CARMIL1: variants seen among roughly 807,000 people sequenced by gnomAD.
The protein encoded by CARMIL1 is F-actin-uncapping protein LRRC16A.
In CARMIL1, 90 loss-of-function variants were observed where a neutral mutation model predicts 177.1. The ratio of observed to expected loss-of-function variants is 0.51; its 90% confidence interval spans 0.43 to 0.61. The LOEUF (loss-of-function observed/expected upper bound fraction) is 0.61, where lower values mean the gene tolerates loss of function less well. CARMIL1 is among the 20% of genes least tolerant of loss of function. CARMIL1 has a pLI of 0.00. For missense variants in CARMIL1, 1,380 were observed against 1,667.0 expected (o/e 0.83, Z 3.00); for synonymous variants, 577 against 606.2 (o/e 0.95, Z 0.71).
chr6:25,327,451 T>C (rs1439902246), intron 2 of CARMIL1, among the ~76,000 whole-genome samples: 1 of 152,234 alleles, frequency 6.6e-6, no homozygotes, highest in African/African-American at 2.4e-5. Context: ...ATCAACTTGA[T>C]TTCCATCACA....
chr6:25,287,777 T>C (rs73392388), intron 2 of CARMIL1, among the ~76,000 whole-genome samples: 7,230 of 152,330 alleles, frequency 0.047, 255 homozygotes, highest in Middle Eastern at 0.1. Context: ...AGAGCCTATC[T>C]GCTTTGCCTT....
chr6:25,567,611 C>T (rs1331311317), intron 29 of CARMIL1, among the ~76,000 whole-genome samples: 1 of 152,108 alleles, frequency 6.6e-6, no homozygotes, highest in Non-Finnish European at 1.5e-5. Flanking sequence ...ACCAAATATT[C>T]TCTGAGATTA....
rs543444360 is a variant in CARMIL1 at position 25,489,324 on chromosome 6, A to G, written c.1065+739A>G. ...TACAATTGAAAGGGAGTATTGGGAT[A>G]AACCTGAGCACTCGTCTATTCCGTG... On this transcript the variant is annotated intron_variant, in intron 13 of 36. Transcript: ENST00000329474. Among the ~76,000 whole-genome samples the G allele has an allele frequency of 4.2e-4, 64 of 152,352 alleles. 2 individuals are homozygous for G. In the South Asian group the frequency reaches 0.013, roughly 31 times the overall value.
At chr6:25,336,640 G>A (rs762171304) in intron 2 of CARMIL1, among the ~76,000 whole-genome samples, 1 of 152,132 alleles carries the variant, frequency 6.6e-6, no homozygotes, top group Non-Finnish European at 1.5e-5. Context: ...TCACAATCTA[G>A]TATTACTAGC....
At chr6:25,401,351 T>A (rs1213161062) in intron 2 of CARMIL1, among the ~76,000 whole-genome samples, 1 of 152,140 alleles carries the variant, frequency 6.6e-6, no homozygotes, top group Non-Finnish European at 1.5e-5. Flanking sequence ...TAGATACACA[T>A]ATAAAATGTG....
intron 2 of CARMIL1, among the ~76,000 whole-genome samples, chr6:25,369,351 T>C (rs1790164526): frequency 6.6e-6 from 1 of 151,358 alleles, no homozygotes; most frequent in Admixed American, 6.6e-5. Flanking sequence ...TGCAGTCAGC[T>C]TAACAGTTGA....
At chr6:25,576,958 T>A in intron 29 of CARMIL1, 14 of 984,990 alleles carry the variant, frequency 1.4e-5, no homozygotes, top group Non-Finnish European at 1.6e-5. Flanking sequence ...TTTTTTTCTT[T>A]CTTTTTGCTG....
At chr6:25,506,547 A>G (rs955335232) in intron 17 of CARMIL1, among the ~76,000 whole-genome samples, 1 of 152,138 alleles carries the variant, frequency 6.6e-6, no homozygotes, top group Non-Finnish European at 1.5e-5. Flanking sequence ...GTCTCAAACA[A>G]ACAAACAAAC....
At chr6:25,424,780 T>A (rs1050400597) in intron 3 of CARMIL1, among the ~76,000 whole-genome samples, 1 of 152,116 alleles carries the variant, frequency 6.6e-6, no homozygotes, top group East Asian at 1.9e-4. Context: ...AGCATAATAA[T>A]CTAGAAAACG....
intron 4 of CARMIL1, among the ~76,000 whole-genome samples, chr6:25,430,466 G>A (rs1796658873): frequency 6.8e-6 from 1 of 146,628 alleles, no homozygotes; most frequent in Non-Finnish European, 1.5e-5. Context: ...GTCTCGCACT[G>A]TTGCTCAGGC....
chr6:25,385,607 A>C lies in CARMIL1; in HGVS notation c.139-34507A>C, dbSNP rs1275232104. Among the ~76,000 whole-genome samples the C allele has an allele frequency of 5.9e-5, 9 of 152,320 alleles. 1 individual carries two copies. The South Asian group carries it at 1.7e-3, about 28-fold the overall frequency. Reference sequence around the variant, plus strand: ...AAATAGTAGTAGCTTTTTTGGGATAAATAGATACCAAATAAATCACAGTGT... The same window carrying C: ...AAATAGTAGTAGCTTTTTTGGGATACATAGATACCAAATAAATCACAGTGT... On this transcript the variant is annotated intron_variant, in intron 2 of 36. Coordinates refer to ENST00000329474, the MANE Select transcript of CARMIL1 (RefSeq NM_017640.6).
At chr6:25,378,941 A>G (rs923263831) in intron 2 of CARMIL1, among the ~76,000 whole-genome samples, 8 of 151,438 alleles carry the variant, frequency 5.3e-5, no homozygotes, top group Non-Finnish European at 8.8e-5. Context: ...GAGTTAGTGT[A>G]CAATTTAGGG....
At chr6:25,324,154 CCTT>C (rs1784893129) in intron 2 of CARMIL1, among the ~76,000 whole-genome samples, 1 of 152,184 alleles carries the variant, frequency 6.6e-6, no homozygotes, top group Non-Finnish European at 1.5e-5. Flanking sequence ...TGTAGGAACA[CCTT>C]CTCCTGTCTG....
chr6:25,537,759 C>A, intron 24 of CARMIL1, 96 bp from the exon 25 acceptor site: 1 of 1,455,374 alleles, frequency 6.9e-7, no homozygotes, highest in Non-Finnish European at 9.3e-7. Context: ...CTGTGGTTTG[C>A]TGAAGTTTTT....
chr6:25,319,428 T>C (rs1311301408), intron 2 of CARMIL1, among the ~76,000 whole-genome samples: 2 of 152,154 alleles, frequency 1.3e-5, no homozygotes, highest in African/African-American at 4.8e-5. Flanking sequence ...CCATGCCCTT[T>C]GATATTAAAA....
chr6:25,394,748 C>G (rs1431525494), intron 2 of CARMIL1, among the ~76,000 whole-genome samples: 1 of 152,170 alleles, frequency 6.6e-6, no homozygotes, highest in East Asian at 1.9e-4. Context: ...GGAGAGTTAC[C>G]TAATTGTACT....
chr6:25,402,006 A>C (rs1259997062), intron 2 of CARMIL1, among the ~76,000 whole-genome samples: 2 of 144,170 alleles, frequency 1.4e-5, no homozygotes, highest in African/African-American at 5.1e-5. Context: ...TTTTTTTTTC[A>C]TTTTCAATTA....
intron 2 of CARMIL1, among the ~76,000 whole-genome samples, chr6:25,377,917 C>G (rs1262871929): frequency 1.3e-5 from 2 of 152,102 alleles, no homozygotes; most frequent in African/African-American, 4.8e-5. Flanking sequence ...GGGAAGTACT[C>G]TGGTGTCTCA....
chr6:25,391,147 T>C (rs1792779494), intron 2 of CARMIL1, among the ~76,000 whole-genome samples: 1 of 152,254 alleles, frequency 6.6e-6, no homozygotes, highest in African/African-American at 2.4e-5. Flanking sequence ...CTATTTGTAC[T>C]CTACAAGAAA....
Sources: allele counts gnomAD v4.1 joint callset (sites outside exome capture counted in the v4.1 genomes callset), GRCh38; gene constraint gnomAD v4.1.1; transcripts MANE v1.5; gene names NCBI Gene and HGNC (gene_info 2026-07-23, HGNC 2026-07-21).